The following SHB variants were observed in gnomAD, a reference collection of about 807,000 sequenced individuals.
The protein encoded by SHB is SH2 domain containing adaptor protein B.
A neutral mutation model predicts 52.3 loss-of-function variants in SHB; 20 were observed. The observed-to-expected ratio is 0.38, with a 90% confidence interval of 0.27 to 0.56. The LOEUF (loss-of-function observed/expected upper bound fraction) is 0.56. Among genes scored for constraint, SHB ranks in the 20% least tolerant of loss-of-function variants. The pLI is 0.71. For missense variants in SHB, 825 were observed against 723.3 expected, an observed-to-expected ratio of 1.14 and a Z score of -1.61; for synonymous variants, 397 against 316.5, an observed-to-expected ratio of 1.25 and a Z score of -2.70.
At position 38,045,338 on chromosome 9, in the gene SHB, C is replaced by A. The variant is rs575924708; in HGVS notation, c.717+22591G>T. 8.5e-5 allele frequency among the ~76,000 whole-genome samples: 13 copies of A among 152,280 alleles called. No homozygotes were observed. In the South Asian group the frequency reaches 2.5e-3, roughly 29 times the overall value. ...CACAACGACCAGGTGCGGTGGCTCA[C>A]GCCTGTAATCCCAGCACTCTGGGAG... On this transcript the variant is annotated intron_variant, in intron 1 of 5. Coordinates refer to ENST00000377707, the MANE Select transcript of SHB (RefSeq NM_003028.3).
At chr9:37,952,264 G>T (rs955039202) in intron 4 of SHB, among the ~76,000 whole-genome samples, 1 of 152,230 alleles carries the variant, frequency 6.6e-6, no homozygotes, top group Admixed American at 6.5e-5. Flanking sequence ...AAATGAATGG[G>T]CAGGGGAGGC....
intron 1 of SHB, among the ~76,000 whole-genome samples, chr9:38,036,082 A>G (rs1482357319): frequency 1.3e-5 from 2 of 152,174 alleles, no homozygotes; most frequent in African/African-American, 2.4e-5. Context: ...TCTGAGCCCA[A>G]GATCTTCTCC....
intron 1 of SHB, among the ~76,000 whole-genome samples, chr9:38,035,705 T>A (rs1821478599): frequency 6.6e-6 from 1 of 152,096 alleles, no homozygotes; most frequent in South Asian, 2.1e-4. Context: ...AGCAACCCTC[T>A]CCTGTAAATT....
At chr9:38,067,192 A>C (rs1587273192) in intron 1 of SHB, among the ~76,000 whole-genome samples, 1 of 152,126 alleles carries the variant, frequency 6.6e-6, no homozygotes, top group Non-Finnish European at 1.5e-5. Context: ...GGGTGAGGTC[A>C]GGAAGGAAGC....
In SHB at chr9:37,917,830, T is replaced by C. The variant is rs1832120435; in HGVS notation, c.*1991A>G. ...CCCAGGCCACAGCCAGCGTGGTCTC[T>C]ATGAGGGCTGGGCCACGTGGACGTG... is the stretch of plus-strand genomic sequence containing the variant. On this transcript the variant is annotated 3_prime_UTR_variant, in exon 6 of 6. Transcript: ENST00000377707. 6.6e-6 allele frequency among the ~76,000 whole-genome samples: 1 copy of C among 152,236 alleles called. No individual in the cohort carries two copies. Among genetic ancestry groups the C allele is most frequent in the Non-Finnish European group, 1.5e-5 (1 of 68,034 alleles).
chr9:38,014,850 A>C (rs1273612235), intron 2 of SHB, among the ~76,000 whole-genome samples: 2 of 152,212 alleles, frequency 1.3e-5, no homozygotes, highest in East Asian at 1.9e-4. Flanking sequence ...CAGCCCTATA[A>C]GCTGACGCTG....
At chr9:37,994,419 A>G (rs1413311922) in intron 2 of SHB, among the ~76,000 whole-genome samples, 1 of 152,218 alleles carries the variant, frequency 6.6e-6, no homozygotes, top group African/African-American at 2.4e-5. Flanking sequence ...ATTACTTCCC[A>G]TTTGATTCCA....
rs1832114047 is a variant in SHB, at chr9:37,917,394, C to T, written c.*2427G>A. Among the ~76,000 whole-genome samples the T allele has an allele frequency of 6.6e-6, 1 of 152,166 alleles. No homozygotes were observed. The highest frequency in any genetic ancestry group is 2.1e-4 in the South Asian group (1 of 4,828). On this transcript the variant is annotated 3_prime_UTR_variant, in exon 6 of 6. Transcript: ENST00000377707. The stretch of plus-strand genomic sequence containing the variant: ...GCCAAGTCAGGGCCAGAGGGCACAG[C>T]TGCCAGCTTCCACTGAGACCCTCCC...
intron 5 of SHB, among the ~76,000 whole-genome samples, chr9:37,923,720 G>A (rs1482209912): frequency 6.6e-6 from 1 of 152,218 alleles, no homozygotes; most frequent in African/African-American, 2.4e-5. Flanking sequence ...GGGTTCATCA[G>A]GCAAGGAGTA....
chr9:38,046,200 G>A (rs1189716582), intron 1 of SHB, among the ~76,000 whole-genome samples: 1 of 151,992 alleles, frequency 6.6e-6, no homozygotes, highest in East Asian at 1.9e-4. Flanking sequence ...AAAGAAAAGA[G>A]GCACCTAATG....
At chr9:37,930,895 T>A (rs905239030) in intron 5 of SHB, among the ~76,000 whole-genome samples, 6 of 152,180 alleles carry the variant, frequency 3.9e-5, no homozygotes, top group Admixed American at 3.3e-4. Context: ...CAAAACAGTA[T>A]GATACTGGCA....
intron 2 of SHB, among the ~76,000 whole-genome samples, chr9:38,003,224 A>C (rs1358816175): frequency 6.6e-6 from 1 of 151,922 alleles, no homozygotes; most frequent in Non-Finnish European, 1.5e-5. Flanking sequence ...AGGCATAGGG[A>C]CCTGCCCCAG....
chr9:37,965,681 T>A (rs1040455221), intron 3 of SHB, among the ~76,000 whole-genome samples: 1 of 151,910 alleles, frequency 6.6e-6, no homozygotes, highest in Admixed American at 6.6e-5. Flanking sequence ...GTTCAAGTGA[T>A]TCTCCTGCCT....
intron 4 of SHB, among the ~76,000 whole-genome samples, chr9:37,952,863 G>C (rs745667871): frequency 1.3e-5 from 2 of 152,058 alleles, no homozygotes; most frequent in Non-Finnish European, 2.9e-5. Flanking sequence ...CATTAAGTTT[G>C]AGATGCCCAC....
intron 2 of SHB, among the ~76,000 whole-genome samples, chr9:37,979,673 A>G (rs1435590365): frequency 6.6e-6 from 1 of 151,462 alleles, no homozygotes; most frequent in Admixed American, 6.6e-5. Flanking sequence ...CCCCCCCACC[A>G]AAGTTGGGTG....
intron 5 of SHB, among the ~76,000 whole-genome samples, chr9:37,937,879 T>C (rs1276315959): frequency 6.6e-6 from 1 of 152,144 alleles, no homozygotes; most frequent in Admixed American, 6.5e-5. Context: ...AGGAAGGTCC[T>C]CTTGCCTTCC....
At chr9:37,958,703 T>C (rs151017228) in intron 3 of SHB, among the ~76,000 whole-genome samples, 31 of 152,296 alleles carry the variant, frequency 2.0e-4, no homozygotes, top group African/African-American at 7.2e-4. Context: ...GCTTTTGTGA[T>C]AGTGGCCTAA....
At chr9:37,990,720 G>T (rs1820871239) in intron 2 of SHB, among the ~76,000 whole-genome samples, 1 of 152,260 alleles carries the variant, frequency 6.6e-6, no homozygotes, top group South Asian at 2.1e-4. Context: ...TTTTGCTACA[G>T]AATGAAGGGA....
chr9:38,053,330 C>T (rs1587265906), intron 1 of SHB, among the ~76,000 whole-genome samples: 1 of 152,082 alleles, frequency 6.6e-6, no homozygotes, highest in Non-Finnish European at 1.5e-5. Context: ...CTCCACCTCC[C>T]GGGTTCAAGC....
Sources: gnomAD v4.1 joint callset for allele counts (sites outside exome capture counted in the v4.1 genomes callset) on GRCh38, gnomAD v4.1.1 for gene constraint, MANE v1.5 for transcripts, NCBI Gene and HGNC (gene_info 2026-07-23, HGNC 2026-07-21) for gene names.